The following CNTNAP2 variants were observed in gnomAD, a reference collection of about 807,000 sequenced individuals.
CNTNAP2 encodes the protein contactin-associated protein-like 2.
Under a neutral mutation model 155.2 loss-of-function variants are expected in CNTNAP2, and 98 were observed. The ratio of observed to expected loss-of-function variants is 0.63; its 90% CI spans 0.54 to 0.75. CNTNAP2 has a LOEUF of 0.75. CNTNAP2 is among the 30% of genes least tolerant of loss of function. CNTNAP2 has a pLI of 0.00. For synonymous variants in CNTNAP2, 651 were observed against 631.2 expected (o/e 1.03, Z -0.47); for missense variants, 1,727 against 1,688.1 (o/e 1.02, Z -0.40).
At position 148,267,130 on chromosome 7, in the gene CNTNAP2, A is replaced by G; in HGVS notation, c.3475+4A>G. The G allele has an allele frequency of 6.2e-7, 1 of 1,612,218 alleles. No homozygotes were observed. The highest frequency in any genetic ancestry group is 8.5e-7 in the Non-Finnish European group (1 of 1,178,356). On this transcript the variant is annotated splice_donor_region_variant and intron_variant, in intron 21 of 23. Coordinates refer to ENST00000361727, the MANE Select transcript of CNTNAP2 (RefSeq NM_014141.6). Reference sequence around the variant, plus strand: ...CTCTTTCTGGGAAAAGTTATAGGTAAGAATGTGGTTCGTTAGGTATAAATG... The same window carrying G: ...CTCTTTCTGGGAAAAGTTATAGGTAGGAATGTGGTTCGTTAGGTATAAATG...
intron 2 of CNTNAP2, among the ~76,000 whole-genome samples, chr7:146,828,962 T>C (rs1803459639): frequency 6.6e-6 from 1 of 152,098 alleles, no homozygotes; most frequent in Non-Finnish European, 1.5e-5. Context: ...GCATTCACAT[T>C]AGTTTCACCA....
In CNTNAP2 at chr7:147,075,944, C is replaced by G. The variant is rs192113983; in HGVS notation, c.550+31890C>G. Among the ~76,000 whole-genome samples the G allele has an allele frequency of 2.4e-3, 364 of 152,272 alleles. 5 individuals are homozygous for G. The highest frequency in any genetic ancestry group is 8.0e-3 in the African/African-American group (333 of 41,546). ...ATGGTTTCCAGCTTCATCCATTTCCCTACAAAGAACCTGAACTCATCCTTT... is the reference window on the plus strand; with the variant it reads ...ATGGTTTCCAGCTTCATCCATTTCCGTACAAAGAACCTGAACTCATCCTTT... On this transcript the variant is annotated intron_variant, in intron 4 of 23. Coordinates refer to ENST00000361727, the MANE Select transcript of CNTNAP2 (RefSeq NM_014141.6).
intron 18 of CNTNAP2, among the ~76,000 whole-genome samples, chr7:148,215,026 A>G (rs1295572060): frequency 1.3e-5 from 2 of 152,218 alleles, no homozygotes; most frequent in East Asian, 1.9e-4. Context: ...GAGGACCAGG[A>G]GGAAAATTGC....
intron 14 of CNTNAP2, among the ~76,000 whole-genome samples, chr7:147,956,951 A>G (rs1020365060): frequency 1.3e-5 from 2 of 152,210 alleles, no homozygotes; most frequent in South Asian, 2.1e-4. Flanking sequence ...CATGGTCTCC[A>G]TGTAACGCAT....
At chr7:147,267,475 G>A (rs991029163) in intron 8 of CNTNAP2, among the ~76,000 whole-genome samples, 9 of 151,988 alleles carry the variant, frequency 5.9e-5, no homozygotes, top group Non-Finnish European at 1.0e-4. Context: ...TTTTTGGTAC[G>A]CATCCTTCCT....
chr7:147,979,852 A>AC (rs1402070628), intron 15 of CNTNAP2, among the ~76,000 whole-genome samples: 2 of 151,626 alleles, frequency 1.3e-5, no homozygotes, highest in Non-Finnish European at 2.9e-5. Flanking sequence ...CGAACTCCTG[A>AC]CCCCGGGTGA....
At chr7:147,969,243 G>A (rs181128296) in intron 14 of CNTNAP2, among the ~76,000 whole-genome samples, 42 of 152,242 alleles carry the variant, frequency 2.8e-4, no homozygotes, top group Middle Eastern at 3.4e-3. Context: ...TAGAGACAGG[G>A]TTTCGCCATA....
chr7:146,511,138 T>A (rs1229124327), intron 1 of CNTNAP2, among the ~76,000 whole-genome samples: 1 of 152,166 alleles, frequency 6.6e-6, no homozygotes, highest in Non-Finnish European at 1.5e-5. Context: ...GACCTCGTGA[T>A]CCACCCTCCT....
intron 1 of CNTNAP2, among the ~76,000 whole-genome samples, chr7:146,428,687 C>A (rs1449544754): frequency 6.6e-6 from 1 of 151,832 alleles, no homozygotes; most frequent in Non-Finnish European, 1.5e-5. Context: ...AATCTTCTCC[C>A]ATTTTGTAGT....
intron 21 of CNTNAP2, among the ~76,000 whole-genome samples, chr7:148,332,652 T>A (rs1320756419): frequency 1.3e-5 from 2 of 152,166 alleles, no homozygotes; most frequent in East Asian, 3.9e-4. Flanking sequence ...GTAAGAAAAA[T>A]TTCACACATT....
chr7:148,094,164 G>C lies in CNTNAP2; in HGVS notation c.2384-23954G>C, dbSNP rs143891144. Among the ~76,000 whole-genome samples, 329 of 152,188 alleles carry C rather than the reference G, an allele frequency of 2.2e-3. 1 individual carries two copies. Among genetic ancestry groups the C allele is most frequent in the African/African-American group, 7.7e-3 (319 of 41,532 alleles). On this transcript the variant is annotated intron_variant, in intron 15 of 23. Transcript: ENST00000361727. ...TCTGAAGTCCCTCCTACTGCCCATG[G>C]GGACTTGAACAAGTTACTTAATTTC...
intron 3 of CNTNAP2, among the ~76,000 whole-genome samples, chr7:147,025,445 AGGGG>A (rs1798896177): frequency 3.2e-4 from 2 of 6,174 alleles, no homozygotes; most frequent in African/African-American, 2.3e-3. Context: ...AGGGGAGGGG[AGGGG>A]AGGAGGGGGA....
intron 2 of CNTNAP2, among the ~76,000 whole-genome samples, chr7:146,778,180 T>C (rs1802423287): frequency 1.3e-5 from 2 of 152,342 alleles, no homozygotes; most frequent in South Asian, 2.1e-4. Context: ...TTGATAAACA[T>C]TGGCTTCAAG....
chr7:147,182,067 A>G (rs1346626854), intron 8 of CNTNAP2, among the ~76,000 whole-genome samples: 1 of 144,116 alleles, frequency 6.9e-6, no homozygotes, highest in Non-Finnish European at 1.5e-5. Flanking sequence ...AGATGATCTC[A>G]GTGGCCTGAG....
intron 18 of CNTNAP2, among the ~76,000 whole-genome samples, chr7:148,187,205 A>G (rs1354295025): frequency 6.6e-6 from 1 of 152,142 alleles, no homozygotes; most frequent in African/African-American, 2.4e-5. Flanking sequence ...CTTAGATAAC[A>G]AGATAATTCT....
intron 8 of CNTNAP2, among the ~76,000 whole-genome samples, chr7:147,292,501 C>G (rs143981251): frequency 6.6e-6 from 1 of 152,042 alleles, no homozygotes; most frequent in Non-Finnish European, 1.5e-5. Context: ...TCATCTCATG[C>G]ATTTCTACAA....
At chr7:146,371,967 A>AAAAAG (rs1362290479) in intron 1 of CNTNAP2, among the ~76,000 whole-genome samples, 1 of 151,876 alleles carries the variant, frequency 6.6e-6, no homozygotes, top group African/African-American at 2.4e-5. Context: ...TCAAAAAAAA[A>AAAAAG]AAAAGAAAAA....
At chr7:146,296,524 C>T (rs1233420343) in intron 1 of CNTNAP2, among the ~76,000 whole-genome samples, 2 of 152,066 alleles carry the variant, frequency 1.3e-5, no homozygotes, top group East Asian at 3.9e-4. Flanking sequence ...AGCTCCTAGG[C>T]TGTTCTGATT....
chr7:146,655,920 A>G (rs747302041), intron 1 of CNTNAP2, among the ~76,000 whole-genome samples: 23 of 152,174 alleles, frequency 1.5e-4, no homozygotes, highest in Non-Finnish European at 2.9e-4. Context: ...TTCTCTGAGC[A>G]TCTCTCTAGA....
Sources: gnomAD v4.1 joint callset for allele counts (sites outside exome capture counted in the v4.1 genomes callset) on GRCh38, gnomAD v4.1.1 for gene constraint, MANE v1.5 for transcripts, NCBI Gene and HGNC (gene_info 2026-07-23, HGNC 2026-07-21) for gene names.